Variants in MYO3A observed in about 807,000 individuals in gnomAD.
MYO3A encodes the protein myosin IIIA, also known as myosin-IIIa.
In MYO3A, 180 loss-of-function variants were observed where a neutral mutation model predicts 192.7. That is an observed-to-expected ratio of 0.93 (90% CI 0.83 to 1.06). The LOEUF is 1.06. Among genes scored for constraint, MYO3A ranks in the 50% least tolerant of loss-of-function variants. MYO3A has a pLI of 0.00. For synonymous variants in MYO3A, 628 were observed against 645.3 expected, an observed-to-expected ratio of 0.97 and a Z score of 0.41; for missense variants, 1,896 against 1,905.0, an observed-to-expected ratio of 1.00 and a Z score of 0.09.
At chr10:26,006,198 A>C (rs1297353026) in intron 6 of MYO3A, among the ~76,000 whole-genome samples, 1 of 152,184 alleles carries the variant, frequency 6.6e-6, no homozygotes, top group African/African-American at 2.4e-5. Context: ...ACAAAGACAC[A>C]ACATACCAGA....
At chr10:25,967,069 A>G (rs1389391702) in intron 4 of MYO3A, among the ~76,000 whole-genome samples, 1 of 152,210 alleles carries the variant, frequency 6.6e-6, no homozygotes, top group Non-Finnish European at 1.5e-5. Flanking sequence ...CACTGAAGAA[A>G]TTGGAAAGGC....
chr10:26,160,480 A>C (rs529516139), intron 26 of MYO3A, among the ~76,000 whole-genome samples: 2 of 152,160 alleles, frequency 1.3e-5, no homozygotes, highest in African/African-American at 2.4e-5. Context: ...CCATCTCTAA[A>C]AACAATTTTT....
At chr10:26,162,429 A>G (rs1361540508) in intron 26 of MYO3A, among the ~76,000 whole-genome samples, 1 of 152,182 alleles carries the variant, frequency 6.6e-6, no homozygotes, top group Non-Finnish European at 1.5e-5. Context: ...ATTATAGTTT[A>G]TTGGCTCTTT....
At chr10:26,011,482 A>G (rs553391398) in intron 6 of MYO3A, among the ~76,000 whole-genome samples, 1 of 152,290 alleles carries the variant, frequency 6.6e-6, no homozygotes, top group Admixed American at 6.5e-5. Flanking sequence ...CTTAGTTTAC[A>G]TTATTTAAAA....
chr10:26,023,955 G>C (rs1842428965), intron 8 of MYO3A, 67 bp from the exon 9 acceptor site: 3 of 1,395,500 alleles, frequency 2.1e-6, no homozygotes, highest in Non-Finnish European at 3.1e-6. Flanking sequence ...AGTCTATCTG[G>C]CTCTGCCTCT....
Position 26,075,613 on chromosome 10 carries a change from T to TATATATGATATATATGTCTCTC in MYO3A, c.1359+5241_1359+5262dup, listed in dbSNP as rs950992115. ...ATGATATATATATGTCTCTCTCATA[T>TATATATGATATATATGTCTCTC]ATATATGATATATATGTCTCTCATA... is the stretch of plus-strand genomic sequence containing the variant. On this transcript the variant is annotated intron_variant, in intron 14 of 34. Transcript: ENST00000642920. Among the ~76,000 whole-genome samples, 74 of 147,616 alleles carry TATATATGATATATATGTCTCTC rather than the reference T, an allele frequency of 5.0e-4. 1 individual carries two copies. The highest frequency in any genetic ancestry group is 9.8e-4 in the East Asian group (5 of 5,080).
intron 4 of MYO3A, among the ~76,000 whole-genome samples, chr10:25,960,928 A>G (rs1163585008): frequency 6.6e-6 from 1 of 152,190 alleles, no homozygotes; most frequent in Non-Finnish European, 1.5e-5. Flanking sequence ...CACATATAAA[A>G]GCAAAGCTAA....
At chr10:25,942,006 C>CTT (rs151243879) in intron 2 of MYO3A, among the ~76,000 whole-genome samples, 2 of 139,202 alleles carry the variant, frequency 1.4e-5, no homozygotes, top group Non-Finnish European at 3.1e-5. Context: ...TTTCTTTTTT[C>CTT]TTTTTTTTTT....
Position 26,131,010 on chromosome 10 carries a change from A to G in MYO3A, c.2262+2472A>G, listed in dbSNP as rs182994100. ...GAGAGCTCCTTAGTTTAATAGAGCC[A>G]TTATTGCCTATTATTTCAGAAAGAA... On this transcript the variant is annotated intron_variant, in intron 20 of 34. Transcript: ENST00000642920. Among the ~76,000 whole-genome samples the G allele has an allele frequency of 4.8e-4, 73 of 152,344 alleles. 1 individual carries two copies. Among genetic ancestry groups the G allele is most frequent in the African/African-American group, 1.7e-3 (72 of 41,580 alleles).
At chr10:26,033,790 A>G (rs1842909282) in intron 10 of MYO3A, among the ~76,000 whole-genome samples, 1 of 152,230 alleles carries the variant, frequency 6.6e-6, no homozygotes. Flanking sequence ...CCTTTGAATC[A>G]GCACCATGAG....
At chr10:25,947,393 T>TA (rs1025282808) in intron 2 of MYO3A, among the ~76,000 whole-genome samples, 2 of 143,660 alleles carry the variant, frequency 1.4e-5, no homozygotes, top group African/African-American at 2.6e-5. Context: ...CTTTTTCTTT[T>TA]TTTTTTTTTT....
intron 10 of MYO3A, among the ~76,000 whole-genome samples, chr10:26,043,005 CA>C (rs1171439457): frequency 7.9e-5 from 12 of 152,284 alleles, no homozygotes; most frequent in South Asian, 4.1e-4. Flanking sequence ...TGATCTAAGC[CA>C]TATATGTATT....
At chr10:26,028,602 A>C (rs1842666735) in intron 10 of MYO3A, among the ~76,000 whole-genome samples, 1 of 152,258 alleles carries the variant, frequency 6.6e-6, no homozygotes, top group Admixed American at 6.5e-5. Context: ...ATTGAAGTGT[A>C]TTCACATTGT....
intron 14 of MYO3A, among the ~76,000 whole-genome samples, chr10:26,082,616 A>C (rs755220716): frequency 6.6e-6 from 1 of 152,188 alleles, no homozygotes; most frequent in Non-Finnish European, 1.5e-5. Flanking sequence ...TATATATACT[A>C]TTTTTTCCTA....
rs1841013848 is a variant in MYO3A, at chr10:26,154,800, C to G, written c.2770C>G (p.Gln924Glu). The change falls in exon 25 of 35, where the codon CAA becomes GAA. Residue 924 changes from glutamine (Q) to glutamate (E), a missense_variant. Transcript: ENST00000642920. ...CAGAGAGACAACCAACATGAAAACA[C>G]AAACGGTTGCATCATATTTTAGAGT... ...HARETTNMKTQTVASYFRYSL... is the reference protein window; with the variant it reads ...HARETTNMKTETVASYFRYSL... The G allele has an allele frequency of 1.9e-6, 3 of 1,613,442 alleles. No individual in the cohort carries two copies. Among genetic ancestry groups the G allele is most frequent in the Non-Finnish European group, 1.7e-6 (2 of 1,179,594 alleles).
intron 14 of MYO3A, among the ~76,000 whole-genome samples, chr10:26,072,433 A>G (rs1419841925): frequency 6.6e-6 from 1 of 152,208 alleles, no homozygotes; most frequent in Non-Finnish European, 1.5e-5. Context: ...TCTCAAATTT[A>G]TCTCTTTGAC....
chr10:26,165,560 G>A (rs1841698470), intron 26 of MYO3A, among the ~76,000 whole-genome samples: 1 of 152,078 alleles, frequency 6.6e-6, no homozygotes, highest in Non-Finnish European at 1.5e-5. Context: ...ACTCTAGCAG[G>A]AGACATAGTG....
intron 2 of MYO3A, 67 bp from the exon 3 acceptor site, chr10:25,952,027 A>T: frequency 8.3e-7 from 1 of 1,209,218 alleles, no homozygotes. Flanking sequence ...CTAATTTCCC[A>T]TGGGTTTGTG....
At chr10:26,118,506 T>C (rs2131686508) in intron 17 of MYO3A, among the ~76,000 whole-genome samples, 1 of 152,322 alleles carries the variant, frequency 6.6e-6, no homozygotes, top group Admixed American at 6.5e-5. Context: ...AGTTTTTCCA[T>C]CTTGCCCCAG....
Sources: gnomAD v4.1 joint callset for allele counts (sites outside exome capture counted in the v4.1 genomes callset) on GRCh38, gnomAD v4.1.1 for gene constraint, MANE v1.5 for transcripts, NCBI Gene and HGNC (gene_info 2026-07-23, HGNC 2026-07-21) for gene names.